PCDHGB4: variants seen among roughly 807,000 people sequenced by gnomAD.
The protein encoded by PCDHGB4 is protocadherin gamma-B4.
PCDHGB4 carries 38 observed loss-of-function variants against 60.5 expected under a neutral mutation model. That is an observed-to-expected ratio of 0.63 (90% CI 0.48 to 0.82). The LOEUF (loss-of-function observed/expected upper bound fraction) is 0.82, where lower values mean the gene tolerates loss of function less well. PCDHGB4 is among the 40% of genes least tolerant of loss of function. The pLI, the probability that PCDHGB4 is intolerant of heterozygous loss-of-function variation, is 0.00. For synonymous variants in PCDHGB4, 456 were observed against 509.7 expected (o/e 0.89, Z 1.42); for missense variants, 1,109 against 1,209.6 (o/e 0.92, Z 1.23).
At chr5:141,442,848 T>C (rs1210778801) in intron 1 of PCDHGB4, among the ~76,000 whole-genome samples, 2 of 152,236 alleles carry the variant, frequency 1.3e-5, no homozygotes, top group Non-Finnish European at 2.9e-5. Context: ...ATCTTGGCCA[T>C]TGTAGTATGA....
At position 141,512,430 on chromosome 5, in the gene PCDHGB4, CT is replaced by C. The variant is rs1357890225; in HGVS notation, c.*1258del. The C allele has an allele frequency of 1.3e-5, 2 of 152,824 alleles. No homozygotes were observed. Among genetic ancestry groups the C allele is most frequent in the Non-Finnish European group, 2.9e-5 (2 of 68,158 alleles). 9.5% of individuals were successfully genotyped at this position (152,824 alleles called of 1,614,324 possible). On this transcript the variant is annotated 3_prime_UTR_variant, in exon 4 of 4. Coordinates refer to ENST00000519479, the MANE Select transcript of PCDHGB4 (RefSeq NM_003736.4). ...CTTCTTCAACAGGGCCCCTGCCCTCCTGAAGCCTCAGTCCTTCACCTTGCCA... is the reference window on the plus strand; with the variant it reads ...CTTCTTCAACAGGGCCCCTGCCCTCCGAAGCCTCAGTCCTTCACCTTGCCA...
In PCDHGB4 at chr5:141,487,406, C is replaced by T; in HGVS notation, c.2398-7401C>T. The T allele has an allele frequency of 6.2e-7, 1 of 1,614,200 alleles. No individual in the cohort carries two copies. The highest frequency in any genetic ancestry group is 8.5e-7 in the Non-Finnish European group (1 of 1,180,044). ...ATCTCGAAGGAGGGAGGGGCTTCCC[C>T]CTTCCAATGGGATCCTCCGAATCCA... On this transcript the variant is annotated intron_variant, in intron 1 of 3. Coordinates refer to ENST00000519479, the MANE Select transcript of PCDHGB4 (RefSeq NM_003736.4). The surrounding 1 kb of genome is among the most constrained non-coding windows in gnomAD (Gnocchi z 5.0).
At chr5:141,508,604 A>G (rs2099870124) in intron 3 of PCDHGB4, among the ~76,000 whole-genome samples, 1 of 152,150 alleles carries the variant, frequency 6.6e-6, no homozygotes, top group African/African-American at 2.4e-5. Flanking sequence ...TCTTGGGTGC[A>G]CATAGGACGT....
chr5:141,463,904 T>C (rs1289422146), intron 1 of PCDHGB4, among the ~76,000 whole-genome samples: 3 of 152,214 alleles, frequency 2.0e-5, no homozygotes, highest in African/African-American at 4.8e-5. Context: ...TTTGTACTAA[T>C]AATATATCCT....
At position 141,461,300 on chromosome 5, in the gene PCDHGB4, A is replaced by G. The variant is rs889981233; in HGVS notation, c.2398-33507A>G. Among the ~76,000 whole-genome samples, 10 of 152,106 alleles carry G rather than the reference A, an allele frequency of 6.6e-5. No individual in the cohort carries two copies. In the East Asian group the frequency reaches 1.4e-3, roughly 21 times the overall value. On this transcript the variant is annotated intron_variant, in intron 1 of 3. Transcript: ENST00000519479. The stretch of plus-strand genomic sequence containing the variant: ...TTTCCCCACATCCACACCAACATCT[A>G]TTGTTTTTTGACTTTTTAATAATGG...
In PCDHGB4 at chr5:141,487,818, G is replaced by A. The variant is rs1009237001; in HGVS notation, c.2398-6989G>A. On this transcript the variant is annotated intron_variant, in intron 1 of 3. Coordinates refer to ENST00000519479, the MANE Select transcript of PCDHGB4 (RefSeq NM_003736.4). This position sits in a 1 kb window ranked among gnomAD's most constrained non-coding sequence, Gnocchi z 5.0. ...GAGTTGTCACAGTTTAGCATTGGGG[G>A]CGGGTCATGCCTATATCTGAGTAAG... The A allele has an allele frequency of 1.2e-4, 158 of 1,331,596 alleles. No homozygotes were observed. The highest frequency in any genetic ancestry group is 1.4e-4 in the Non-Finnish European group (140 of 970,524). 82.5% of individuals were successfully genotyped at this position (1,331,596 alleles called of 1,614,324 possible). A position where few individuals can be genotyped will look rare whatever the true frequency, so the allele number is the denominator to read the frequency against.
chr5:141,410,414 G>A lies in PCDHGB4; in HGVS notation c.2397+20133G>A, dbSNP rs201698858. On this transcript the variant is annotated intron_variant, in intron 1 of 3. Coordinates refer to ENST00000519479, the MANE Select transcript of PCDHGB4 (RefSeq NM_003736.4). ...TGGTCTCTGTGTCAAGTCTGGACCT[G>A]TAGTTCCCCCCAACTACAGTGAGGG... 2.0e-4 allele frequency: 326 copies of A among 1,613,916 alleles called. 1 individual carries two copies. The highest frequency in any genetic ancestry group is 2.7e-4 in the Non-Finnish European group (315 of 1,179,910).
chr5:141,408,533 G>A, intron 1 of PCDHGB4: 1 of 1,614,056 alleles, frequency 6.2e-7, no homozygotes, highest in Non-Finnish European at 8.5e-7. Flanking sequence ...AGCTGTGGTG[G>A]AAAATCCTTT....
intron 2 of PCDHGB4, among the ~76,000 whole-genome samples, chr5:141,499,780 G>A (rs776654854): frequency 1.4e-5 from 2 of 145,766 alleles, no homozygotes; most frequent in Non-Finnish European, 3.0e-5. Flanking sequence ...TTCGCCTCCC[G>A]GGTTCAAGCA....
At chr5:141,393,082 TAGATCGGG>T in intron 1 of PCDHGB4, 1 of 1,613,652 alleles carries the variant, frequency 6.2e-7, no homozygotes, top group Non-Finnish European at 8.5e-7. Flanking sequence ...GCGGGCAGGA[TAGATCGGG>T]AGGAGCTCTG....
intron 1 of PCDHGB4, chr5:141,479,494 G>C (rs747201739): frequency 2.6e-5 from 4 of 152,256 alleles, no homozygotes; most frequent in Non-Finnish European, 5.9e-5. Flanking sequence ...CCATCAGGTT[G>C]CCTAAAGAGG....
intron 1 of PCDHGB4, among the ~76,000 whole-genome samples, chr5:141,433,680 A>G (rs570459317): frequency 1.3e-5 from 2 of 152,236 alleles, no homozygotes; most frequent in African/African-American, 4.8e-5. Context: ...TACTAAAAAA[A>G]TACAAAATTA....
intron 1 of PCDHGB4, chr5:141,440,542 C>T (rs1448576873): frequency 6.6e-6 from 1 of 152,206 alleles, no homozygotes; most frequent in Non-Finnish European, 1.5e-5. Context: ...CACGGTTCAG[C>T]AGGAATGTTA....
Position 141,388,364 on chromosome 5 carries a change from G to A in PCDHGB4, c.480G>A (p.Ala160=), listed in dbSNP as rs749994962. The A allele has an allele frequency of 7.4e-6, 12 of 1,613,846 alleles. No individual in the cohort carries two copies. Among genetic ancestry groups the A allele is most frequent in the Middle Eastern group, 1.6e-4 (1 of 6,084 alleles). ...TTATATTAGGATCTGCCCATGATGC[G>A]GATATTGGTAGCAACACACTGCAGA... ...TRFILGSAHD[A]DIGSNTLQNY... The change falls in exon 1 of 4, where the codon GCG becomes GCA. Residue 160 remains alanine, a synonymous_variant. Coordinates refer to ENST00000519479, the MANE Select transcript of PCDHGB4 (RefSeq NM_003736.4).
intron 1 of PCDHGB4, chr5:141,419,425 C>A (rs3749766): frequency 2.5e-6 from 4 of 1,613,316 alleles, no homozygotes; most frequent in Non-Finnish European, 3.4e-6. Context: ...CCTTCGACCA[C>A]GAGCAGCTGC....
intron 1 of PCDHGB4, chr5:141,422,569 G>A (rs1219842498): frequency 6.2e-7 from 1 of 1,613,984 alleles, no homozygotes; most frequent in Admixed American, 1.7e-5. Context: ...AGATGACAAC[G>A]ATAACCCTCC....
intron 1 of PCDHGB4, chr5:141,426,875 C>T (rs1005769074): frequency 8.8e-6 from 4 of 456,566 alleles, no homozygotes; most frequent in African/African-American, 4.0e-5. Context: ...TGGAGAAGCC[C>T]CTGGGCCAGG....
At chr5:141,470,862 G>T (rs1363111218) in intron 1 of PCDHGB4, among the ~76,000 whole-genome samples, 1 of 151,596 alleles carries the variant, frequency 6.6e-6, no homozygotes, top group Non-Finnish European at 1.5e-5. Context: ...TAAGTTTTTT[G>T]TTTGTTTGTT....
chr5:141,394,174 A>T, intron 1 of PCDHGB4: 1 of 1,613,824 alleles, frequency 6.2e-7, no homozygotes, highest in Non-Finnish European at 8.5e-7. Flanking sequence ...ACTTTCCCTC[A>T]TGCCTCCTAC....
Sources: gnomAD v4.1 joint callset for allele counts (sites outside exome capture counted in the v4.1 genomes callset) on GRCh38, gnomAD v4.1.1 for gene constraint, Gnocchi (gnomAD v3.1) non-coding constraint, MANE v1.5 for transcripts, NCBI Gene and HGNC (gene_info 2026-07-23, HGNC 2026-07-21) for gene names.